Variants in PRDM13 observed in about 807,000 individuals in gnomAD.
The protein encoded by PRDM13 is PR domain zinc finger protein 13.
A neutral mutation model predicts 36.4 loss-of-function variants in PRDM13; 15 were observed. The ratio of observed to expected loss-of-function variants is 0.41; its 90% CI spans 0.28 to 0.64. The LOEUF is 0.64. Ranked by LOEUF, PRDM13 falls within the 30% of genes least tolerant of loss-of-function variation. The pLI, the probability that PRDM13 is intolerant of heterozygous loss-of-function variation, is 0.29. For missense variants in PRDM13, 1,044 were observed against 1,013.5 expected, an observed-to-expected ratio of 1.03 and a Z score of -0.41; for synonymous variants, 531 against 467.7, an observed-to-expected ratio of 1.14 and a Z score of -1.75.
At position 99,609,323 on chromosome 6, in the gene PRDM13, G is replaced by T. The variant is rs1769999082; in HGVS notation, c.397+16G>T. On this transcript the variant is annotated intron_variant, in intron 3 of 3. Coordinates refer to ENST00000369215, the MANE Select transcript of PRDM13 (RefSeq NM_021620.4). ...GACGAGAAAGGTACCCATTCCAAAA[G>T]CGTGGATGGGCAAAAGTCCAGCCCT... 2 of 1,613,524 alleles carry T rather than the reference G, an allele frequency of 1.2e-6. No homozygotes were observed. Among genetic ancestry groups the T allele is most frequent in the African/African-American group, 2.7e-5 (2 of 74,896 alleles).
chr6:99,611,540 A>G (rs1454625978), intron 3 of PRDM13, among the ~76,000 whole-genome samples: 2 of 152,130 alleles, frequency 1.3e-5, no homozygotes, highest in Non-Finnish European at 2.9e-5. Context: ...TCATAGGCAA[A>G]TACTCTTCTC....
chr6:99,614,140 C>T lies in PRDM13; in HGVS notation c.1505C>T (p.Pro502Leu). Residue 502 changes from proline (P) to leucine (L), a missense_variant, in exon 4 of 4, where the codon CCT becomes CTT. Physicochemically the swap from Pro to Leu is moderately conservative, Grantham distance 98. This residue lies in a region of PRDM13 where 921 missense variants were observed against 865.2 expected (regional missense o/e 1.06). Coordinates refer to ENST00000369215, the MANE Select transcript of PRDM13 (RefSeq NM_021620.4). ...GAGTCCATCTCCTACTTCAGCGGGC[C>T]TGCAGCGGCCGCCCTAAGCCCCGCC... ...YPESISYFSGPAAAALSPAEL... is the reference protein window; with the variant it reads ...YPESISYFSGLAAAALSPAEL... The T allele has an allele frequency of 6.3e-7, 1 of 1,599,052 alleles. No homozygotes were observed. Among genetic ancestry groups the T allele is most frequent in the Middle Eastern group, 1.7e-4 (1 of 6,024 alleles).
In PRDM13 at chr6:99,609,105, G is replaced by T; in HGVS notation, c.277-82G>T. The T allele has an allele frequency of 2.6e-6, 4 of 1,523,336 alleles. 1 individual carries two copies. The Middle Eastern group carries it at 5.1e-4, about 195-fold the overall frequency. The allele number at this position is 1,523,336 out of a possible 1,614,324, so 94.4% of individuals were successfully genotyped here. ...CCAGGGTCACACAGCATCAGAATCC[G>T]GATTTGAACCTTTCTTCTCAGTTGC... On this transcript the variant is annotated intron_variant, in intron 2 of 3. Transcript: ENST00000369215.
chr6:99,611,977 A>C (rs1583615456), intron 3 of PRDM13, among the ~76,000 whole-genome samples: 2 of 152,200 alleles, frequency 1.3e-5, no homozygotes, highest in Admixed American at 1.3e-4. Flanking sequence ...AGAATGTCTC[A>C]TATATGTGTC....
intron 3 of PRDM13, among the ~76,000 whole-genome samples, chr6:99,612,750 C>G (rs1423574554): frequency 6.6e-6 from 1 of 152,208 alleles, no homozygotes; most frequent in African/African-American, 2.4e-5. Flanking sequence ...TGCTGCCCTT[C>G]CAACGAAGAT....
chr6:99,609,213 C>T lies in PRDM13; in HGVS notation c.303C>T (p.Val101=). 1 of 1,613,616 alleles carries T rather than the reference C, an allele frequency of 6.2e-7. No individual in the cohort carries two copies. Among genetic ancestry groups the T allele is most frequent in the Non-Finnish European group, 8.5e-7 (1 of 1,179,588 alleles). Residue 101 remains valine (V), a synonymous_variant, in exon 3 of 4, where the codon GTC becomes GTT. Coordinates refer to ENST00000369215, the MANE Select transcript of PRDM13 (RefSeq NM_021620.4). The part of the protein sequence containing the change: ...GQIFYRALRD[V]QPGEELTVWY... The stretch of plus-strand genomic sequence containing the variant: ...TCTTCTACCGAGCATTGCGAGACGT[C>T]CAGCCAGGGGAGGAGCTGACAGTGT...
In PRDM13 at chr6:99,613,506, G is replaced by C. The variant is rs767721224; in HGVS notation, c.871G>C (p.Val291Leu). The change falls in exon 4 of 4, where the codon GTG (valine) becomes CTG (leucine). Residue 291 changes from valine to leucine, a missense_variant. Physicochemically the swap from Val to Leu is conservative, Grantham distance 32 (BLOSUM62 1). This residue lies in a region of PRDM13 where 921 missense variants were observed against 865.2 expected (regional missense o/e 1.06). Coordinates refer to ENST00000369215, the MANE Select transcript of PRDM13 (RefSeq NM_021620.4). This position sits in a 1 kb window ranked among gnomAD's most constrained non-coding sequence, Gnocchi z 6.1. ...GVGSLAFYPG[V>L]RSAFKPAGLA... ...CGGCAGCCTGGCTTTCTACCCCGGC[G>C]TGCGCTCAGCTTTCAAGCCCGCCGG... 122 of 1,517,166 alleles carry C rather than the reference G, an allele frequency of 8.0e-5. No homozygotes were observed. The highest frequency in any genetic ancestry group is 9.8e-5 in the Non-Finnish European group (112 of 1,141,338). The allele number at this position is 1,517,166 out of a possible 1,614,324, so 94.0% of individuals were successfully genotyped here.
rs771748372 is a variant in PRDM13 at position 99,607,026 on chromosome 6, G to A, written c.-9G>A. The A allele has an allele frequency of 1.8e-4, 281 of 1,604,326 alleles. 2 individuals carry two copies. The highest frequency in any genetic ancestry group is 7.4e-4 in the South Asian group (67 of 90,408). ...GCACCCGAGCGCCTGCCTGGTGGCG[G>A]CGGCAACAATGCACGGAGCCGCCAG... On this transcript the variant is annotated 5_prime_UTR_variant, in exon 1 of 4. Coordinates refer to ENST00000369215, the MANE Select transcript of PRDM13 (RefSeq NM_021620.4).
chr6:99,609,148 AG>A, intron 2 of PRDM13, 38 bp from the exon 3 acceptor site: 1 of 1,608,416 alleles, frequency 6.2e-7, no homozygotes. Flanking sequence ...CCGATTACCC[AG>A]GAAATGACAT....
Position 99,606,982 on chromosome 6 carries a change from G to A in PRDM13, c.-53G>A. On this transcript the variant is annotated 5_prime_UTR_variant, in exon 1 of 4. Coordinates refer to ENST00000369215, the MANE Select transcript of PRDM13 (RefSeq NM_021620.4). ...GCGCAGCTCCAGCTCTGTCACTCGC[G>A]CCCTTCCAAGGACCTGGAGCACCCG... 3 of 1,536,088 alleles carry A rather than the reference G, an allele frequency of 2.0e-6. No homozygotes were observed. The South Asian group carries it at 3.8e-5, about 19-fold the overall frequency.
At chr6:99,609,907 A>AT (rs1181697028) in intron 3 of PRDM13, among the ~76,000 whole-genome samples, 8 of 116,144 alleles carry the variant, frequency 6.9e-5, no homozygotes, top group African/African-American at 1.1e-4. Flanking sequence ...TAAAAATAAA[A>AT]AATAAAAAAG....
intron 2 of PRDM13, 83 bp from the exon 3 acceptor site, chr6:99,609,104 C>A: frequency 6.6e-7 from 1 of 1,517,884 alleles, no homozygotes; most frequent in East Asian, 2.3e-5. Flanking sequence ...CATCAGAATC[C>A]GGATTTGAAC....
At chr6:99,607,942 G>A (rs1023142840) in intron 1 of PRDM13, among the ~76,000 whole-genome samples, 2 of 152,248 alleles carry the variant, frequency 1.3e-5, no homozygotes, top group Non-Finnish European at 1.5e-5. Context: ...TATAGCACTC[G>A]CCCGCTTTGG....
chr6:99,607,684 C>G (rs1769968689), intron 1 of PRDM13, among the ~76,000 whole-genome samples: 1 of 152,200 alleles, frequency 6.6e-6, no homozygotes, highest in Non-Finnish European at 1.5e-5. Context: ...AGAACCTCCT[C>G]AGATATTTTT....
Position 99,607,058 on chromosome 6 carries a change from A to C in PRDM13, c.24A>C (p.Pro8=). MHGAARA[P]ATSVSADCCI... Reference sequence around the variant, plus strand: ...CAATGCACGGAGCCGCCAGAGCGCCAGCCACCAGCGTGAGTGCCGACTGCT... The same window carrying C: ...CAATGCACGGAGCCGCCAGAGCGCCCGCCACCAGCGTGAGTGCCGACTGCT... Residue 8 remains proline, a synonymous_variant, in exon 1 of 4, where the codon CCA becomes CCC. Transcript: ENST00000369215. 6.2e-7 allele frequency: 1 copy of C among 1,612,068 alleles called. No individual in the cohort carries two copies. Among genetic ancestry groups the C allele is most frequent in the East Asian group, 2.2e-5 (1 of 44,830 alleles).
chr6:99,607,094 C>T lies in PRDM13; in HGVS notation c.60C>T (p.Ala20=). ...TGAGTGCCGACTGCTGCATCCCGGC[C>T]GGCTTGCGCCTCGGACCGGTGCCTG... The part of the protein sequence containing the change: ...TSVSADCCIP[A]GLRLGPVPGT... Residue 20 remains alanine (A), a synonymous_variant, in exon 1 of 4, where the codon GCC becomes GCT. Transcript: ENST00000369215. 6.2e-7 allele frequency: 1 copy of T among 1,613,636 alleles called. No homozygotes were observed. The highest frequency in any genetic ancestry group is 8.5e-7 in the Non-Finnish European group (1 of 1,179,962).
chr6:99,614,541 G>T lies in PRDM13; in HGVS notation c.1906G>T (p.Gly636Cys), dbSNP rs1770100132. 6.2e-7 allele frequency: 1 copy of T among 1,612,942 alleles called. No homozygotes were observed. Among genetic ancestry groups the T allele is most frequent in the Admixed American group, 1.7e-5 (1 of 60,000 alleles). Residue 636 changes from glycine to cysteine, a missense_variant, in exon 4 of 4, where the codon GGC becomes TGC. By Grantham distance (159) the Gly-to-Cys change is radical (BLOSUM62 -3). Around this residue, in one of 3 missense-constraint regions of PRDM13, gnomAD observed 115 missense variants for 122.1 expected, o/e 0.94. Coordinates refer to ENST00000369215, the MANE Select transcript of PRDM13 (RefSeq NM_021620.4). ...GNTPYRCEFC[G>C]KVLVRRRDLE... ...TACGCCCTACCGCTGCGAGTTCTGC[G>T]GCAAGGTACTTGTGCGCCGCCGGGA...
In PRDM13 at chr6:99,614,792, A is replaced by G; in HGVS notation, c.*33A>G. On this transcript the variant is annotated 3_prime_UTR_variant, in exon 4 of 4. Transcript: ENST00000369215. The stretch of plus-strand genomic sequence containing the variant: ...TCCCGGGAAGGGGCGGGGTGAGGAC[A>G]GAGAGGAGTCGAGGGTTTATTCTCG... 3 of 1,530,868 alleles carry G rather than the reference A, an allele frequency of 2.0e-6. No homozygotes were observed. The highest frequency in any genetic ancestry group is 4.5e-5 in the East Asian group (2 of 44,238). The allele number at this position is 1,530,868 out of a possible 1,614,324, so 94.8% of individuals were successfully genotyped here.
chr6:99,607,060 C>T lies in PRDM13; in HGVS notation c.26C>T (p.Ala9Val). 7.4e-6 allele frequency: 12 copies of T among 1,612,252 alleles called. No homozygotes were observed. The highest frequency in any genetic ancestry group is 1.0e-5 in the Non-Finnish European group (12 of 1,179,390). MHGAARAP[A>V]TSVSADCCIP... ...ATGCACGGAGCCGCCAGAGCGCCAG[C>T]CACCAGCGTGAGTGCCGACTGCTGC... Residue 9 changes from alanine to valine, a missense_variant, in exon 1 of 4, where the codon GCC (alanine) becomes GTC (valine). Physicochemically the swap from Ala to Val is moderately conservative, Grantham distance 64. Transcript: ENST00000369215.
Sources: gnomAD v4.1 joint callset for allele counts (sites outside exome capture counted in the v4.1 genomes callset) on GRCh38, gnomAD v4.1.1 for gene constraint, gnomAD v4.1.1 regional missense constraint, Gnocchi (gnomAD v3.1) non-coding constraint, MANE v1.5 for transcripts, NCBI Gene and HGNC (gene_info 2026-07-23, HGNC 2026-07-21) for gene names.